PRKCA: variants seen among roughly 807,000 people sequenced by gnomAD.
The protein encoded by PRKCA is protein kinase C alpha.
In PRKCA, 27 loss-of-function variants were observed where a neutral mutation model predicts 87.0. The ratio of observed to expected loss-of-function variants is 0.31; its 90% CI spans 0.23 to 0.43. The LOEUF (loss-of-function observed/expected upper bound fraction) is 0.43, where lower values mean the gene tolerates loss of function less well. Ranked by LOEUF, PRKCA falls within the 20% of genes least tolerant of loss-of-function variation. PRKCA has a pLI of 1.00. For synonymous variants in PRKCA, 329 were observed against 311.1 expected, an observed-to-expected ratio of 1.06 and a Z score of -0.61; for missense variants, 518 against 852.3, an observed-to-expected ratio of 0.61 and a Z score of 4.88.
At chr17:66,740,507 G>A (rs955945679) in intron 11 of PRKCA, among the ~76,000 whole-genome samples, 1 of 152,092 alleles carries the variant, frequency 6.6e-6, no homozygotes, top group Non-Finnish European at 1.5e-5. Context: ...GGCCTGCGAG[G>A]GATTATGCAC....
chr17:66,400,594 A>G (rs968255943), intron 2 of PRKCA, among the ~76,000 whole-genome samples: 2 of 152,158 alleles, frequency 1.3e-5, no homozygotes, highest in African/African-American at 4.8e-5. Flanking sequence ...CGGGTGTACA[A>G]ATATTTCTGA....
chr17:66,569,746 G>T (rs1313774707), intron 3 of PRKCA, among the ~76,000 whole-genome samples: 1 of 152,194 alleles, frequency 6.6e-6, no homozygotes, highest in African/African-American at 2.4e-5. Flanking sequence ...GTCACCAGCA[G>T]TCGTAAGAAA....
rs555318793 is a variant in PRKCA, at chr17:66,343,443, C to T, written c.205+37316C>T. 3.3e-5 allele frequency among the ~76,000 whole-genome samples: 5 copies of T among 152,144 alleles called. No individual in the cohort carries two copies. The East Asian group carries it at 5.8e-4, about 18-fold the overall frequency. ...GAGTTTCCCTCATTTGGTTGGTTTT[C>T]GGTTTTCATGGAAAGCTATTGAAGT... On this transcript the variant is annotated intron_variant, in intron 2 of 16. Transcript: ENST00000413366.
chr17:66,564,990 TCAC>T (rs904411244), intron 3 of PRKCA, among the ~76,000 whole-genome samples: 24 of 151,424 alleles, frequency 1.6e-4, no homozygotes, highest in African/African-American at 5.8e-4. Context: ...AAAACAACAA[TCAC>T]CACCACCACC....
chr17:66,502,114 T>C (rs1017868942), intron 3 of PRKCA, among the ~76,000 whole-genome samples: 8 of 152,342 alleles, frequency 5.3e-5, no homozygotes, highest in Non-Finnish European at 1.0e-4. Flanking sequence ...TGTCTGTTCA[T>C]GAAGCCCACC....
chr17:66,487,731 T>C (rs554369131), intron 2 of PRKCA, among the ~76,000 whole-genome samples: 12 of 152,348 alleles, frequency 7.9e-5, no homozygotes, highest in African/African-American at 2.4e-4. Flanking sequence ...GGTGGGATGT[T>C]ACTGTGATTT....
At chr17:66,648,140 C>T (rs1971500870) in intron 5 of PRKCA, among the ~76,000 whole-genome samples, 1 of 152,166 alleles carries the variant, frequency 6.6e-6, no homozygotes, top group African/African-American at 2.4e-5. Flanking sequence ...AGAAGGAGGG[C>T]AGGCTGTGTC....
chr17:66,320,180 T>G (rs1405158675), intron 2 of PRKCA, among the ~76,000 whole-genome samples: 4 of 152,180 alleles, frequency 2.6e-5, no homozygotes, highest in African/African-American at 9.7e-5. Context: ...CCCAGGTTCT[T>G]GAATTTATAC....
rs192472195 is a variant in PRKCA, at chr17:66,509,308, C to T, written c.288+13025C>T. On this transcript the variant is annotated intron_variant, in intron 3 of 16. Transcript: ENST00000413366. The stretch of plus-strand genomic sequence containing the variant: ...CTGGCAAGTTGGAGACCCAGGAGAG[C>T]CAATGGGATAGCACCAGTCTGATTC... Among the ~76,000 whole-genome samples the T allele has an allele frequency of 2.0e-5, 3 of 152,038 alleles. No homozygotes were observed. The East Asian group carries it at 5.8e-4, about 29-fold the overall frequency.
chr17:66,336,645 A>ATTAT (rs1195269838), intron 2 of PRKCA, among the ~76,000 whole-genome samples: 1 of 131,900 alleles, frequency 7.6e-6, no homozygotes, highest in Non-Finnish European at 1.5e-5. Flanking sequence ...TATATAGTAA[A>ATTAT]TTATTAAACA....
At chr17:66,695,604 CAG>C (rs1483762610) in intron 8 of PRKCA, among the ~76,000 whole-genome samples, 1 of 152,310 alleles carries the variant, frequency 6.6e-6, no homozygotes, top group African/African-American at 2.4e-5. Flanking sequence ...ATTTAAAAAA[CAG>C]AGCAAATTAA....
chr17:66,778,114 A>G, intron 14 of PRKCA: 10 of 985,308 alleles, frequency 1.0e-5, no homozygotes, highest in Non-Finnish European at 1.2e-5. Context: ...CCAGCTCTCA[A>G]TAGTTCTGCA....
chr17:66,380,706 T>C (rs1313859405), intron 2 of PRKCA, among the ~76,000 whole-genome samples: 2 of 152,186 alleles, frequency 1.3e-5, no homozygotes, highest in Non-Finnish European at 2.9e-5. Flanking sequence ...TTATAACATA[T>C]TTTTCATCTA....
intron 2 of PRKCA, among the ~76,000 whole-genome samples, chr17:66,448,144 T>A (rs574674484): frequency 2.2e-4 from 33 of 152,314 alleles, no homozygotes; most frequent in African/African-American, 7.5e-4. Context: ...TTCTGTGTAT[T>A]CTGTGCCCTT....
chr17:66,518,965 C>T (rs74617220), intron 3 of PRKCA, among the ~76,000 whole-genome samples: 3,178 of 152,224 alleles, frequency 0.021, 98 homozygotes, highest in African/African-American at 0.07. Context: ...TGCTATGATG[C>T]GTACACTACA....
intron 2 of PRKCA, among the ~76,000 whole-genome samples, chr17:66,467,249 A>C (rs1915127724): frequency 6.6e-6 from 1 of 152,188 alleles, no homozygotes; most frequent in Non-Finnish European, 1.5e-5. Flanking sequence ...GAGTGGTTAA[A>C]TCTCAGGAAT....
intron 2 of PRKCA, among the ~76,000 whole-genome samples, chr17:66,322,578 T>G (rs1032743737): frequency 2.6e-5 from 4 of 151,810 alleles, no homozygotes; most frequent in African/African-American, 9.7e-5. Flanking sequence ...CCCTCCCACC[T>G]TAGCCACCCA....
intron 8 of PRKCA, among the ~76,000 whole-genome samples, chr17:66,714,842 G>C (rs1973434944): frequency 6.6e-6 from 1 of 152,222 alleles, no homozygotes; most frequent in Non-Finnish European, 1.5e-5. Flanking sequence ...GCCTGACACA[G>C]AGGGCCCAGA....
chr17:66,709,673 T>C (rs575808340), intron 8 of PRKCA, among the ~76,000 whole-genome samples: 1 of 150,426 alleles, frequency 6.6e-6, no homozygotes, highest in South Asian at 2.2e-4. Flanking sequence ...GTTATCCAGT[T>C]AAGATAGGTT....
Sources: allele counts gnomAD v4.1 joint callset (sites outside exome capture counted in the v4.1 genomes callset), GRCh38; gene constraint gnomAD v4.1.1; transcripts MANE v1.5; gene names NCBI Gene and HGNC (gene_info 2026-07-23, HGNC 2026-07-21).